C11orf65: variants seen among roughly 807,000 people sequenced by gnomAD.
The protein encoded by C11orf65 is protein MFI.
Under a neutral mutation model 35.3 loss-of-function variants are expected in C11orf65, and 38 were observed. That is an observed-to-expected ratio of 1.08 (90% CI 0.83 to 1.41). The LOEUF (loss-of-function observed/expected upper bound fraction) is 1.41, where lower values mean the gene tolerates loss of function less well. C11orf65 is among the 40% of genes most tolerant of loss of function. The pLI, the probability that C11orf65 is intolerant of heterozygous loss-of-function variation, is 0.00. For synonymous variants in C11orf65, 105 were observed against 114.4 expected, an observed-to-expected ratio of 0.92 and a Z score of 0.53; for missense variants, 370 against 367.1, an observed-to-expected ratio of 1.01 and a Z score of -0.06.
chr11:108,409,368 T>C (rs2092614889), intron 3 of C11orf65, among the ~76,000 whole-genome samples: 1 of 152,116 alleles, frequency 6.6e-6, no homozygotes, highest in Non-Finnish European at 1.5e-5. Flanking sequence ...TACCCAGGAA[T>C]GAAATATGAG....
At chr11:108,449,738 T>C (rs1036967031) in intron 2 of C11orf65, among the ~76,000 whole-genome samples, 1 of 152,000 alleles carries the variant, frequency 6.6e-6, no homozygotes, top group African/African-American at 2.4e-5. Context: ...AAGGACTTCA[T>C]GTCTGAAACA....
chr11:108,371,400 G>GC (rs1479080609), intron 2 of C11orf65, among the ~76,000 whole-genome samples: 1 of 152,036 alleles, frequency 6.6e-6, no homozygotes, highest in Non-Finnish European at 1.5e-5. Context: ...TATTCAACCA[G>GC]CCCCTGAGAA....
intron 2 of C11orf65, among the ~76,000 whole-genome samples, chr11:108,351,440 A>G (rs2089188143): frequency 1.3e-5 from 2 of 152,226 alleles, no homozygotes; most frequent in South Asian, 4.1e-4. Context: ...GTAGCTTAAA[A>G]TCACAATTTA....
chr11:108,435,024 G>C (rs151055607), intron 2 of C11orf65, among the ~76,000 whole-genome samples: 63 of 152,290 alleles, frequency 4.1e-4, no homozygotes, highest in African/African-American at 1.5e-3. Context: ...AGACTAGGAC[G>C]ACATCCTCTA....
chr11:108,396,874 T>A (rs1027243113), intron 6 of C11orf65, among the ~76,000 whole-genome samples: 1 of 139,366 alleles, frequency 7.2e-6, no homozygotes, highest in African/African-American at 2.6e-5. Flanking sequence ...AATAAATAAA[T>A]AAAATAAAAT....
chr11:108,335,363 G>A, intron 2 of C11orf65: 1 of 1,157,072 alleles, frequency 8.6e-7, no homozygotes, highest in East Asian at 3.1e-5. Flanking sequence ...GACATGTACA[G>A]TGAGGTTGCT....
chr11:108,329,454 T>C (rs1439506404), downstream of C11orf65: 12 of 555,076 alleles, frequency 2.2e-5, no homozygotes, highest in Admixed American at 1.9e-4. Context: ...TCACCCAGGC[T>C]GGAGTACAGT....
rs2093554702 is a variant in C11orf65, at chr11:108,467,458, T to A, written c.-10+13A>T. Reference sequence around the variant, plus strand: ...TACGCGCTGAGAGAAGGGACACTATTCCCTTCACCTACCAATCGCTGCTGG... The same window carrying A: ...TACGCGCTGAGAGAAGGGACACTATACCCTTCACCTACCAATCGCTGCTGG... On this transcript the variant is annotated intron_variant, in intron 1 of 8. Transcript: ENST00000393084. 6.6e-6 allele frequency: 1 copy of A among 152,346 alleles called. No individual in the cohort carries two copies. Among genetic ancestry groups the A allele is most frequent in the Non-Finnish European group, 1.5e-5 (1 of 68,184 alleles). The allele number at this position is 152,346 out of a possible 1,614,324, so 9.4% of individuals were successfully genotyped here.
At chr11:108,430,982 A>C (rs1349272935) in intron 3 of C11orf65, among the ~76,000 whole-genome samples, 1 of 152,058 alleles carries the variant, frequency 6.6e-6, no homozygotes, top group East Asian at 1.9e-4. Flanking sequence ...ACATCACAAA[A>C]GTATCAGGGA....
chr11:108,357,949 G>A lies in C11orf65; in HGVS notation c.227-22657C>T, dbSNP rs944600161. Among the ~76,000 whole-genome samples, 4 of 150,670 alleles carry A rather than the reference G, an allele frequency of 2.7e-5. No individual in the cohort carries two copies. The East Asian group carries it at 7.8e-4, about 29-fold the overall frequency. On this transcript the variant is annotated intron_variant, in intron 2 of 3. Transcript: ENST00000524755. Reference sequence around the variant, plus strand: ...AACGGAACAAAGCTGGATGGAGAATGACTTTGACGAGCTGAGAGAAGAAGG... The same window carrying A: ...AACGGAACAAAGCTGGATGGAGAATAACTTTGACGAGCTGAGAGAAGAAGG...
rs1201879809 is a variant in C11orf65 at position 108,319,979 on chromosome 11, C to T, written c.641-10908G>A. ...CAAAGAAGTAGAAGGAACCAGTTACCATGAATCATTGTACAATGCTCTACA... is the reference window on the plus strand; with the variant it reads ...CAAAGAAGTAGAAGGAACCAGTTACTATGAATCATTGTACAATGCTCTACA... On this transcript the variant is annotated intron_variant, in intron 6 of 6. Transcript: ENST00000525729. 2 of 1,612,380 alleles carry T rather than the reference C, an allele frequency of 1.2e-6. No homozygotes were observed. Among genetic ancestry groups the T allele is most frequent in the East Asian group, 4.5e-5 (2 of 44,750 alleles).
rs773208089 is a variant in C11orf65 at position 108,353,803 on chromosome 11, T to C, written c.227-18511A>G. The C allele has an allele frequency of 1.9e-6, 3 of 1,614,154 alleles. No homozygotes were observed. In the South Asian group the frequency reaches 3.3e-5, roughly 18 times the overall value. ...AACAGGGCAAAATCCTTCCTACTCC[T>C]GAGACAGTTCCTTTTAGACTCACCA... On this transcript the variant is annotated intron_variant, in intron 2 of 3. Transcript: ENST00000524755.
At chr11:108,347,512 T>G (rs1312698962) in intron 2 of C11orf65, 1 of 683,848 alleles carries the variant, frequency 1.5e-6, no homozygotes, top group African/African-American at 1.8e-5. Flanking sequence ...GCATAAACAG[T>G]TGTCCTAGAA....
intron 2 of C11orf65, chr11:108,355,189 A>C (rs545227798): frequency 9.7e-5 from 31 of 321,174 alleles, no homozygotes; most frequent in Non-Finnish European, 1.8e-4. Flanking sequence ...GGTTTCCATT[A>C]GGGTTTAAGA....
rs538363663 is a variant in C11orf65, at chr11:108,406,507, G to C, written c.429+256C>G. On this transcript the variant is annotated intron_variant, in intron 5 of 8. Transcript: ENST00000393084. ...CCGTATACTGGGTATATAATCTGCT[G>C]AGTACCAGAGAGTATCTAAAGATGG... 1.2e-4 allele frequency among the ~76,000 whole-genome samples: 18 copies of C among 152,218 alleles called. No individual in the cohort carries two copies. The South Asian group carries it at 3.5e-3, about 30-fold the overall frequency.
intron 2 of C11orf65, among the ~76,000 whole-genome samples, chr11:108,372,053 ATTG>A (rs2138106487): frequency 6.6e-6 from 1 of 152,326 alleles, no homozygotes; most frequent in South Asian, 2.1e-4. Context: ...GATTCTGTGT[ATTG>A]TTGTTAACCT....
At chr11:108,354,618 C>A (rs966011315) in intron 2 of C11orf65, among the ~76,000 whole-genome samples, 6 of 152,182 alleles carry the variant, frequency 3.9e-5, no homozygotes, top group African/African-American at 1.4e-4. Context: ...GTGAAATAGT[C>A]AAATACATAT....
chr11:108,382,737 T>C (rs1316545701), downstream of C11orf65: 2 of 976,072 alleles, frequency 2.0e-6, no homozygotes, highest in Non-Finnish European at 2.4e-6. Context: ...ACATGCAAAA[T>C]AATCAGTCTG....
chr11:108,325,642 A>G, intron 6 of C11orf65: 1 of 1,028,242 alleles, frequency 9.7e-7, no homozygotes, highest in Non-Finnish European at 1.4e-6. Context: ...TCATTAAGAG[A>G]TAGAGATCTC....
Sources: gnomAD v4.1 joint callset for allele counts (sites outside exome capture counted in the v4.1 genomes callset) on GRCh38, gnomAD v4.1.1 for gene constraint, MANE v1.5 for transcripts, NCBI Gene and HGNC (gene_info 2026-07-23, HGNC 2026-07-21) for gene names.